Variants in ANKRD12 observed in about 807,000 individuals in gnomAD.
ANKRD12 encodes ankyrin repeat domain 12, also known as ankyrin repeat domain-containing protein 12.
In ANKRD12, 85 loss-of-function variants were observed where a neutral mutation model predicts 183.4. The ratio of observed to expected loss-of-function variants is 0.46; its 90% CI spans 0.39 to 0.56. The LOEUF (loss-of-function observed/expected upper bound fraction) is 0.56. Ranked by LOEUF, ANKRD12 falls within the 20% of genes least tolerant of loss-of-function variation. The pLI is 0.00. For synonymous variants in ANKRD12, 914 were observed against 800.2 expected, an observed-to-expected ratio of 1.14 and a Z score of -2.40; for missense variants, 2,405 against 2,357.1, an observed-to-expected ratio of 1.02 and a Z score of -0.42.
chr18:9,258,985 A>G, intron 9 of ANKRD12, 54 bp downstream of exon 9: 1 of 1,494,930 alleles, frequency 6.7e-7, no homozygotes, highest in Non-Finnish European at 8.9e-7. Flanking sequence ...ATAGAAGTAT[A>G]ATGCTAGCCA....
At chr18:9,202,062 A>G (rs1182209196) in intron 3 of ANKRD12, among the ~76,000 whole-genome samples, 1 of 152,108 alleles carries the variant, frequency 6.6e-6, no homozygotes, top group Non-Finnish European at 1.5e-5. Context: ...TCCTGACCTC[A>G]ATTGATCCAC....
intron 8 of ANKRD12, among the ~76,000 whole-genome samples, chr18:9,252,010 A>T (rs1308645002): frequency 1.3e-5 from 2 of 152,212 alleles, no homozygotes; most frequent in Non-Finnish European, 2.9e-5. Flanking sequence ...TTAGTTATAG[A>T]TAGCAGAGAC....
intron 10 of ANKRD12, among the ~76,000 whole-genome samples, chr18:9,264,503 T>C (rs1041586422): frequency 1.3e-5 from 2 of 152,010 alleles, no homozygotes; most frequent in African/African-American, 4.8e-5. Flanking sequence ...TATAACTTCT[T>C]TGGTTCATAC....
intron 11 of ANKRD12, among the ~76,000 whole-genome samples, chr18:9,278,180 T>G (rs72939247): frequency 0.026 from 3,889 of 152,330 alleles, 80 homozygotes; most frequent in Non-Finnish European, 0.041. Context: ...TTTGGTGACT[T>G]ATTTAAATAT....
chr18:9,157,460 A>G (rs1296222717), intron 1 of ANKRD12, among the ~76,000 whole-genome samples: 1 of 151,954 alleles, frequency 6.6e-6, no homozygotes, highest in Non-Finnish European at 1.5e-5. Context: ...CACCATTTAT[A>G]AAGTCCAAAT....
chr18:9,271,480 C>G (rs2145414747), intron 10 of ANKRD12, among the ~76,000 whole-genome samples: 1 of 152,164 alleles, frequency 6.6e-6, no homozygotes, highest in Non-Finnish European at 1.5e-5. Context: ...GATCATGCCA[C>G]TGTACTCCAG....
chr18:9,252,631 A>G (rs1184856825), intron 8 of ANKRD12, among the ~76,000 whole-genome samples: 1 of 152,212 alleles, frequency 6.6e-6, no homozygotes, highest in African/African-American at 2.4e-5. Flanking sequence ...ATGACAAACC[A>G]TGGATCTCTC....
intron 10 of ANKRD12, among the ~76,000 whole-genome samples, chr18:9,274,137 T>C (rs2039725714): frequency 1.3e-5 from 2 of 152,250 alleles, no homozygotes; most frequent in Admixed American, 1.3e-4. Context: ...GGAGAGCATC[T>C]TTCCCATGGG....
intron 1 of ANKRD12, among the ~76,000 whole-genome samples, chr18:9,159,335 A>G (rs1168981548): frequency 2.0e-5 from 3 of 152,212 alleles, no homozygotes; most frequent in Non-Finnish European, 2.9e-5. Flanking sequence ...GTAATCCATT[A>G]CCACATTCTA....
chr18:9,170,866 C>G (rs528575252), intron 1 of ANKRD12, among the ~76,000 whole-genome samples: 2 of 152,062 alleles, frequency 1.3e-5, no homozygotes, highest in African/African-American at 4.8e-5. Flanking sequence ...ATGATGGTGA[C>G]GTACAGATGG....
In ANKRD12 at chr18:9,256,994, T is replaced by C. The variant is rs763849038; in HGVS notation, c.3727T>C (p.Ser1243Pro). The C allele has an allele frequency of 5.9e-5, 95 of 1,614,010 alleles. No individual in the cohort carries two copies. Among genetic ancestry groups the C allele is most frequent in the Non-Finnish European group, 8.1e-5 (95 of 1,180,006 alleles). ...FMLESSESQMSFSQSPFLSIA... is the reference protein window; with the variant it reads ...FMLESSESQMPFSQSPFLSIA... ...GTTAGAGAGTTCAGAATCCCAAATG[T>C]CCTTTTCCCAGTCACCTTTTTTGTC... The change falls in exon 9 of 13, where the codon TCC (serine) becomes CCC (proline). Residue 1243 changes from serine to proline, a missense_variant. By Grantham distance (74) the Ser-to-Pro change is moderately conservative. This residue lies in a region of ANKRD12 where 1,983 missense variants were observed against 1,725.9 expected (regional missense o/e 1.15). Coordinates refer to ENST00000262126, the MANE Select transcript of ANKRD12 (RefSeq NM_015208.5).
chr18:9,179,270 T>C (rs1173522993), intron 1 of ANKRD12, among the ~76,000 whole-genome samples: 2 of 152,122 alleles, frequency 1.3e-5, no homozygotes, highest in South Asian at 2.1e-4. Context: ...TCTTGCCTTA[T>C]TGAACTTACG....
In ANKRD12 at chr18:9,257,703, C is replaced by T. The variant is rs1226143967; in HGVS notation, c.4436C>T (p.Ala1479Val). The change falls in exon 9 of 13, where the codon GCT (alanine) becomes GTT (valine). Residue 1479 changes from alanine to valine, a missense_variant. By Grantham distance (64) the Ala-to-Val change is moderately conservative. Coordinates refer to ENST00000262126, the MANE Select transcript of ANKRD12 (RefSeq NM_015208.5). ...RQTELPGNSC[A>V]QDPASFMPPQ... ...ACTGAACTGCCAGGAAACTCTTGTG[C>T]TCAGGATCCGGCATCCTTTATGCCT... is the stretch of plus-strand genomic sequence containing the variant. The T allele has an allele frequency of 3.1e-6, 5 of 1,614,048 alleles. No homozygotes were observed. The highest frequency in any genetic ancestry group is 4.2e-6 in the Non-Finnish European group (5 of 1,179,988).
At chr18:9,215,385 A>T (rs1332069574) in intron 6 of ANKRD12, among the ~76,000 whole-genome samples, 1 of 151,426 alleles carries the variant, frequency 6.6e-6, no homozygotes, top group Non-Finnish European at 1.5e-5. Context: ...GACAATGAGA[A>T]CTCTTTTCTG....
rs983217016 is a variant in ANKRD12, at chr18:9,284,875, T to C, written c.*3749T>C. On this transcript the variant is annotated 3_prime_UTR_variant, in exon 13 of 13. Coordinates refer to ENST00000262126, the MANE Select transcript of ANKRD12 (RefSeq NM_015208.5). ...TTAAATGCTATATAATAACTGCAAATAAAAGTTTTTTTGTACATGGACAGC... is the reference window on the plus strand; with the variant it reads ...TTAAATGCTATATAATAACTGCAAACAAAAGTTTTTTTGTACATGGACAGC... 4 of 152,134 alleles carry C rather than the reference T, an allele frequency of 2.6e-5. No individual in the cohort carries two copies. Among genetic ancestry groups the C allele is most frequent in the African/African-American group, 9.7e-5 (4 of 41,426 alleles). 9.4% of individuals were successfully genotyped at this position (152,134 alleles called of 1,614,324 possible).
At chr18:9,173,784 T>C (rs943422210) in intron 1 of ANKRD12, among the ~76,000 whole-genome samples, 1 of 152,292 alleles carries the variant, frequency 6.6e-6, no homozygotes, top group Non-Finnish European at 1.5e-5. Flanking sequence ...GTGTGCTGAA[T>C]TGGGGGTAAC....
intron 1 of ANKRD12, among the ~76,000 whole-genome samples, chr18:9,168,889 G>A (rs549405645): frequency 6.6e-6 from 1 of 151,876 alleles, no homozygotes; most frequent in African/African-American, 2.4e-5. Context: ...ACACTGCTTT[G>A]AATGTGTCCC....
chr18:9,186,657 C>G (rs1160325052), intron 2 of ANKRD12, among the ~76,000 whole-genome samples: 1 of 151,786 alleles, frequency 6.6e-6, no homozygotes, highest in African/African-American at 2.4e-5. Context: ...TGTTGCTGCT[C>G]CTTTTTAAGA....
intron 8 of ANKRD12, among the ~76,000 whole-genome samples, chr18:9,253,549 G>T (rs1384135209): frequency 2.0e-5 from 3 of 152,200 alleles, no homozygotes; most frequent in African/African-American, 7.2e-5. Flanking sequence ...ATTCCACTGT[G>T]TATATGAACC....
Sources: gnomAD v4.1 joint callset for allele counts (sites outside exome capture counted in the v4.1 genomes callset) on GRCh38, gnomAD v4.1.1 for gene constraint, gnomAD v4.1.1 regional missense constraint, MANE v1.5 for transcripts, NCBI Gene and HGNC (gene_info 2026-07-23, HGNC 2026-07-21) for gene names.